The following SMAD7 variants were observed in gnomAD, a reference collection of about 807,000 sequenced individuals.
The protein encoded by SMAD7 is SMAD family member 7.
Under a neutral mutation model 38.7 loss-of-function variants are expected in SMAD7, and 8 were observed. That is an observed-to-expected ratio of 0.21 (90% CI 0.12 to 0.37). SMAD7 has a LOEUF of 0.37. Among genes scored for constraint, SMAD7 ranks in the 10% least tolerant of loss-of-function variants. The pLI is 1.00. For missense variants in SMAD7, 477 were observed against 577.9 expected (o/e 0.83, Z 1.79); for synonymous variants, 327 against 265.1 (o/e 1.23, Z -2.27).
chr18:48,926,032 C>T (rs370054284), intron 3 of SMAD7, among the ~76,000 whole-genome samples: 117 of 152,318 alleles, frequency 7.7e-4, no homozygotes, highest in Non-Finnish European at 1.1e-3. Flanking sequence ...AGGCGTGAGC[C>T]GCCGCACCCA....
At chr18:48,931,014 G>A (rs2069994243) in intron 3 of SMAD7, among the ~76,000 whole-genome samples, 1 of 152,200 alleles carries the variant, frequency 6.6e-6, no homozygotes, top group Non-Finnish European at 1.5e-5. Context: ...ATACGCTAGA[G>A]TATGGATGAA....
chr18:48,930,840 C>T (rs1198985943), intron 3 of SMAD7, among the ~76,000 whole-genome samples: 7 of 152,174 alleles, frequency 4.6e-5, no homozygotes, highest in Non-Finnish European at 8.8e-5. Flanking sequence ...GAACTGAAAG[C>T]GGCGACTCCA....
intron 2 of SMAD7, among the ~76,000 whole-genome samples, chr18:48,946,430 CG>C (rs74174734): frequency 3.1e-4 from 45 of 146,012 alleles, no homozygotes; most frequent in African/African-American, 7.6e-4. Context: ...GTGAGGGGGG[CG>C]GGGGGGGTGT....
intron 3 of SMAD7, among the ~76,000 whole-genome samples, chr18:48,932,646 G>A (rs1260505722): frequency 6.6e-6 from 1 of 152,160 alleles, no homozygotes; most frequent in Non-Finnish European, 1.5e-5. Flanking sequence ...CGGGGGAACA[G>A]ACAGAGAAGG....
At chr18:48,929,675 A>G (rs2069972903) in intron 3 of SMAD7, among the ~76,000 whole-genome samples, 1 of 151,966 alleles carries the variant, frequency 6.6e-6, no homozygotes, top group Non-Finnish European at 1.5e-5. Context: ...AACCCCTAGA[A>G]GGACAGGACA....
intron 3 of SMAD7, among the ~76,000 whole-genome samples, chr18:48,925,352 A>G (rs1471057455): frequency 6.6e-6 from 1 of 152,180 alleles, no homozygotes; most frequent in Admixed American, 6.5e-5. Context: ...TCACAGTTGT[A>G]TCTTTTTATT....
At position 48,950,575 on chromosome 18, in the gene SMAD7, C is replaced by A. The variant is rs530173650; in HGVS notation, c.-151G>T. On this transcript the variant is annotated 5_prime_UTR_variant, in exon 1 of 4. Coordinates refer to ENST00000262158, the MANE Select transcript of SMAD7 (RefSeq NM_005904.4). Reference sequence around the variant, plus strand: ...GGCCCGGGCAGGAGCGGCGGCGGCCCGAGGGGCGCTCCGTGGCATGCGCCA... The same window carrying A: ...GGCCCGGGCAGGAGCGGCGGCGGCCAGAGGGGCGCTCCGTGGCATGCGCCA... The A allele has an allele frequency of 7.6e-5, 48 of 629,340 alleles. No individual in the cohort carries two copies. In the South Asian group the frequency reaches 1.9e-3, roughly 25 times the overall value. The allele number at this position is 629,340 out of a possible 1,614,324, so 39.0% of individuals were successfully genotyped here.
In SMAD7 at chr18:48,921,816, G is replaced by T; in HGVS notation, c.837C>A (p.Val279=). The change falls in exon 4 of 4, where the codon GTC becomes GTA. Residue 279 remains valine (V), a synonymous_variant. Transcript: ENST00000262158. This position sits in a 1 kb window ranked among gnomAD's most constrained non-coding sequence, Gnocchi z 6.4. ...AGAAGATATCCAGAGAGGGCTCCTG[G>T]ACACAGTAGAGCCTCCCCACTCTCG... ...EKTRVGRLYC[V]QEPSLDIFYD... The T allele has an allele frequency of 6.2e-7, 1 of 1,614,022 alleles. No homozygotes were observed.
intron 3 of SMAD7, among the ~76,000 whole-genome samples, chr18:48,938,369 AC>A (rs1245213917): frequency 6.6e-6 from 1 of 152,144 alleles, no homozygotes; most frequent in Non-Finnish European, 1.5e-5. Context: ...GGTCTCTCCA[AC>A]AAGCATGACT....
chr18:48,938,357 C>T (rs188118938), intron 3 of SMAD7, among the ~76,000 whole-genome samples: 6 of 152,288 alleles, frequency 3.9e-5, no homozygotes, highest in African/African-American at 1.2e-4. Context: ...GGCATGGTGC[C>T]GGGTCTCTCC....
At position 48,950,451 on chromosome 18, in the gene SMAD7, T is replaced by A; in HGVS notation, c.-27A>T. 1 of 1,539,698 alleles carries A rather than the reference T, an allele frequency of 6.5e-7. No individual in the cohort carries two copies. Among genetic ancestry groups the A allele is most frequent in the Non-Finnish European group, 8.7e-7 (1 of 1,145,026 alleles). Reference sequence around the variant, plus strand: ...CGGGGCGAGGAGGCGAGGAGAAAAGTCGTTTGCCTGCTAAGGAGCGAACAT... The same window carrying A: ...CGGGGCGAGGAGGCGAGGAGAAAAGACGTTTGCCTGCTAAGGAGCGAACAT... On this transcript the variant is annotated 5_prime_UTR_variant, in exon 1 of 4. Transcript: ENST00000262158.
At chr18:48,938,699 G>A (rs1358779505) in intron 3 of SMAD7, among the ~76,000 whole-genome samples, 2 of 152,214 alleles carry the variant, frequency 1.3e-5, no homozygotes, top group Admixed American at 6.5e-5. Flanking sequence ...CCCCCAGACA[G>A]AAACTCCAGA....
intron 3 of SMAD7, among the ~76,000 whole-genome samples, chr18:48,926,440 C>T (rs1002473229): frequency 4.6e-5 from 7 of 152,228 alleles, no homozygotes; most frequent in Admixed American, 1.3e-4. Flanking sequence ...GGGTCTCCAC[C>T]GGCTCTCATC....
At chr18:48,941,071 T>C (rs1258830426) in intron 3 of SMAD7, among the ~76,000 whole-genome samples, 1 of 152,188 alleles carries the variant, frequency 6.6e-6, no homozygotes, top group African/African-American at 2.4e-5. Flanking sequence ...AATAAAACCA[T>C]CTAACAACAT....
chr18:48,924,677 G>A (rs72917756), intron 3 of SMAD7, among the ~76,000 whole-genome samples: 1 of 152,118 alleles, frequency 6.6e-6, no homozygotes, highest in South Asian at 2.1e-4. Context: ...CTAACCCACC[G>A]CAGGGAGACT....
Position 48,921,150 on chromosome 18 carries a change from C to T in SMAD7, c.*222G>A. On this transcript the variant is annotated 3_prime_UTR_variant, in exon 4 of 4. Transcript: ENST00000262158. The surrounding 1 kb of genome is among the most constrained non-coding windows in gnomAD (Gnocchi z 6.4). ...GTCCTGCCGATCATACCTGCCCCTT[C>T]TTCCAAAAAAACCCCCAACAATTCT... The T allele has an allele frequency of 1.8e-6, 1 of 552,972 alleles. No individual in the cohort carries two copies. The highest frequency in any genetic ancestry group is 3.2e-6 in the Non-Finnish European group (1 of 312,216). The allele number at this position is 552,972 out of a possible 1,614,324, so 34.3% of individuals were successfully genotyped here.
chr18:48,942,876 G>A (rs2070158276), intron 2 of SMAD7: 1 of 933,760 alleles, frequency 1.1e-6, no homozygotes, highest in Non-Finnish European at 1.4e-6. Context: ...GTCAAAGGAG[G>A]TTTGGGTTGG....
In SMAD7 at chr18:48,950,076, A is replaced by G. The variant is rs867930488; in HGVS notation, c.349T>C (p.Ser117Pro). The change falls in exon 1 of 4, where the codon TCC (serine) becomes CCC (proline). Residue 117 changes from serine (S) to proline (P), a missense_variant. Physicochemically the swap from Ser to Pro is moderately conservative, Grantham distance 74 (BLOSUM62 -1). This residue lies in a region of SMAD7 where 376 missense variants were observed against 379.4 expected (regional missense o/e 0.99). Transcript: ENST00000262158. ...CACGCGGTGCGCGTCCCGCCGCGGGACTCCACGGCCTGGAGCAGCAGCTCC... is the reference window on the plus strand; with the variant it reads ...CACGCGGTGCGCGTCCCGCCGCGGGGCTCCACGGCCTGGAGCAGCAGCTCC... ...QLELLLQAVE[S>P]RGGTRTACLL... 6.9e-7 allele frequency: 1 copy of G among 1,453,316 alleles called. No homozygotes were observed. The highest frequency in any genetic ancestry group is 9.0e-7 in the Non-Finnish European group (1 of 1,106,044). 90.0% of individuals were successfully genotyped at this position (1,453,316 alleles called of 1,614,324 possible).
At chr18:48,928,866 A>G (rs2069959598) in intron 3 of SMAD7, among the ~76,000 whole-genome samples, 1 of 152,192 alleles carries the variant, frequency 6.6e-6, no homozygotes, top group South Asian at 2.1e-4. Flanking sequence ...TGAGGGTGGC[A>G]CGGGGCAGGG....
Sources: allele counts gnomAD v4.1 joint callset (sites outside exome capture counted in the v4.1 genomes callset), GRCh38; gene constraint gnomAD v4.1.1; regional missense constraint gnomAD v4.1.1; non-coding constraint Gnocchi (gnomAD v3.1); transcripts MANE v1.5; gene names NCBI Gene and HGNC (gene_info 2026-07-23, HGNC 2026-07-21).